Variants in MYO10 observed in about 807,000 individuals in gnomAD.
MYO10 encodes the protein myosin X, also known as unconventional myosin-X.
In MYO10, 133 loss-of-function variants were observed where a neutral mutation model predicts 257.3. That is an observed-to-expected ratio of 0.52 (90% CI 0.45 to 0.60). The LOEUF is 0.60. MYO10 is among the 20% of genes least tolerant of loss of function. The pLI is 0.00. For synonymous variants in MYO10, 1,104 were observed against 1,028.6 expected (o/e 1.07, Z -1.40); for missense variants, 2,399 against 2,635.7 (o/e 0.91, Z 1.97).
intron 1 of MYO10, among the ~76,000 whole-genome samples, chr5:16,922,293 G>A (rs1202995772): frequency 2.6e-5 from 4 of 152,248 alleles, no homozygotes; most frequent in African/African-American, 9.6e-5. Context: ...GAGAATCCGA[G>A]GGGGAAAACT....
At chr5:16,729,132 T>C (rs1739482859) in intron 19 of MYO10, among the ~76,000 whole-genome samples, 1 of 152,202 alleles carries the variant, frequency 6.6e-6, no homozygotes, top group Non-Finnish European at 1.5e-5. Context: ...CTAAGGTCAA[T>C]TTTGAGTTAA....
intron 19 of MYO10, 82 bp from the exon 20 acceptor site, chr5:16,711,327 T>A (rs1252660710): frequency 2.1e-6 from 3 of 1,430,564 alleles, no homozygotes; most frequent in South Asian, 2.5e-5. Flanking sequence ...GCCACCTCCA[T>A]CATTGGTTTA....
Position 16,674,641 on chromosome 5 carries a change from C to T in MYO10, c.4964+212G>A, listed in dbSNP as rs78771624. Reference sequence around the variant, plus strand: ...CCTATACATTAGGACATTACACCAACGGTGACTTGGTCCCTGAAATAACCT... The same window carrying T: ...CCTATACATTAGGACATTACACCAATGGTGACTTGGTCCCTGAAATAACCT... On this transcript the variant is annotated intron_variant, in intron 35 of 40. Coordinates refer to ENST00000513610, the MANE Select transcript of MYO10 (RefSeq NM_012334.3). Among the ~76,000 whole-genome samples the T allele has an allele frequency of 9.4e-4, 142 of 151,384 alleles. 3 individuals are homozygous for T. The East Asian group carries it at 0.025, about 26-fold the overall frequency.
At chr5:16,753,541 G>C (rs186176774) in intron 19 of MYO10, among the ~76,000 whole-genome samples, 11 of 147,534 alleles carry the variant, frequency 7.5e-5, no homozygotes, top group African/African-American at 2.3e-4. Context: ...GCAGATCTTG[G>C]CTCACTGCAA....
chr5:16,811,081 A>AAG (rs998469762), intron 3 of MYO10, among the ~76,000 whole-genome samples: 2 of 151,828 alleles, frequency 1.3e-5, no homozygotes, highest in African/African-American at 4.8e-5. Context: ...AAAAAAAAAA[A>AAG]AAAACAAAAA....
At chr5:16,841,492 T>C (rs1352130011) in intron 2 of MYO10, among the ~76,000 whole-genome samples, 20 of 152,186 alleles carry the variant, frequency 1.3e-4, no homozygotes, top group African/African-American at 4.8e-4. Flanking sequence ...CACCAAAATT[T>C]ATCTCTGCGA....
intron 1 of MYO10, among the ~76,000 whole-genome samples, chr5:16,897,788 T>A (rs997179639): frequency 1.3e-5 from 2 of 152,150 alleles, no homozygotes; most frequent in Non-Finnish European, 2.9e-5. Flanking sequence ...GCCAAAAGGG[T>A]TGAAACCCCT....
rs1474359729 is a variant in MYO10 at position 16,703,091 on chromosome 5, T to A, written c.2344A>T (p.Arg782Trp). Residue 782 changes from arginine (R) to tryptophan (W), a missense_variant, in exon 23 of 41, where the codon AGG becomes TGG. This residue lies in a region of MYO10 where 1,820 missense variants were observed against 1,939.4 expected (regional missense o/e 0.94). Transcript: ENST00000513610. The stretch of plus-strand genomic sequence containing the variant: ...TTTTTCAGGTGCAAAAATCTCCTCC[T>A]CAGAAGGAATGCTCTGTAATTCTTC... ...IQKNYRAFLL[R>W]RRFLHLKKAA... The A allele has an allele frequency of 6.3e-7, 1 of 1,582,362 alleles. No individual in the cohort carries two copies. The highest frequency in any genetic ancestry group is 8.6e-7 in the Non-Finnish European group (1 of 1,162,704).
At chr5:16,877,738 G>GTTTGGA (rs1744647137) in intron 1 of MYO10, 31 bp from the exon 2 acceptor site, 2 of 1,563,290 alleles carry the variant, frequency 1.3e-6, no homozygotes, top group East Asian at 4.5e-5. Flanking sequence ...ACTGAACTGA[G>GTTTGGA]TTTGGATTGC....
chr5:16,856,692 G>C (rs900601356), intron 2 of MYO10, among the ~76,000 whole-genome samples: 2 of 152,108 alleles, frequency 1.3e-5, no homozygotes, highest in African/African-American at 4.8e-5. Flanking sequence ...TCAAGCTTCC[G>C]GGATCTGATG....
intron 1 of MYO10, among the ~76,000 whole-genome samples, chr5:16,909,899 T>A (rs1051571098): frequency 6.6e-6 from 1 of 152,120 alleles, no homozygotes; most frequent in Admixed American, 6.5e-5. Context: ...CTCTCCCCTC[T>A]CTATTGCTTC....
rs148282948 is a variant in MYO10, at chr5:16,934,900, C to T, written c.21+888G>A. Among the ~76,000 whole-genome samples the T allele has an allele frequency of 6.5e-3, 997 of 152,310 alleles. 18 individuals carry two copies. The highest frequency in any genetic ancestry group is 0.023 in the African/African-American group (960 of 41,572). On this transcript the variant is annotated intron_variant, in intron 1 of 40. Transcript: ENST00000513610. ...GCGGTTCTGCACTCAGAAAACATTC[C>T]CTGGCTTTCAACGAAAATCACATCA...
At chr5:16,762,144 A>AT in intron 15 of MYO10, 31 bp from the exon 16 acceptor site, 2 of 1,301,816 alleles carry the variant, frequency 1.5e-6, no homozygotes, top group Non-Finnish European at 2.0e-6. Context: ...AAAAAAAAAA[A>AT]TACAATGCCT....
intron 2 of MYO10, 34 bp downstream of exon 2, chr5:16,877,575 T>C (rs749490083): frequency 3.2e-6 from 5 of 1,543,398 alleles, no homozygotes; most frequent in Admixed American, 1.7e-5. Flanking sequence ...AAGCAGACCA[T>C]GGATGTTGGG....
At chr5:16,683,264 T>C (rs1185219234) in intron 30 of MYO10, among the ~76,000 whole-genome samples, 1 of 152,150 alleles carries the variant, frequency 6.6e-6, no homozygotes, top group Non-Finnish European at 1.5e-5. Context: ...TAGAGAAACT[T>C]TTCTTAAATT....
At chr5:16,671,358 A>G (rs1355399495) in intron 38 of MYO10, 64 bp downstream of exon 38, 1 of 1,575,428 alleles carries the variant, frequency 6.3e-7, no homozygotes, top group Non-Finnish European at 8.7e-7. Context: ...TTACAAGGCT[A>G]AGTATTAACA....
intron 19 of MYO10, among the ~76,000 whole-genome samples, chr5:16,717,021 G>C (rs1420498387): frequency 6.6e-6 from 1 of 152,088 alleles, no homozygotes; most frequent in Non-Finnish European, 1.5e-5. Flanking sequence ...ACTTTTAGTA[G>C]AGATGGGGTT....
Position 16,702,542 on chromosome 5 carries a change from C to G in MYO10, c.2556+1G>C. 3 of 1,590,996 alleles carry G rather than the reference C, an allele frequency of 1.9e-6. No homozygotes were observed. The highest frequency in any genetic ancestry group is 2.6e-6 in the Non-Finnish European group (3 of 1,168,098). ...GGCTAAGTTGTCACTGCACTCATTACCTGCTGGGCGCGGAGCTCGGCTTCT... is the reference window on the plus strand; with the variant it reads ...GGCTAAGTTGTCACTGCACTCATTAGCTGCTGGGCGCGGAGCTCGGCTTCT... On this transcript the variant is annotated splice_donor_variant, in intron 24 of 40. Coordinates refer to ENST00000513610, the MANE Select transcript of MYO10 (RefSeq NM_012334.3). LOFTEE classifies it high-confidence loss of function.
At position 16,851,724 on chromosome 5, in the gene MYO10, T is replaced by C. The variant is rs567422047; in HGVS notation, c.120+25885A>G. ...AAACTTAAAATGATGTCAATTAATA[T>C]ATAAATTAGGATATCACTTGTTAAT... is the stretch of plus-strand genomic sequence containing the variant. On this transcript the variant is annotated intron_variant, in intron 2 of 40. Coordinates refer to ENST00000513610, the MANE Select transcript of MYO10 (RefSeq NM_012334.3). Among the ~76,000 whole-genome samples, 10 of 152,228 alleles carry C rather than the reference T, an allele frequency of 6.6e-5. 1 individual carries two copies. The South Asian group carries it at 2.1e-3, about 32-fold the overall frequency.
Sources: gnomAD v4.1 joint callset for allele counts (sites outside exome capture counted in the v4.1 genomes callset) on GRCh38, gnomAD v4.1.1 for gene constraint, gnomAD v4.1.1 regional missense constraint, MANE v1.5 for transcripts, NCBI Gene and HGNC (gene_info 2026-07-23, HGNC 2026-07-21) for gene names.